The following KLKB1 variants were observed in gnomAD, a reference collection of about 807,000 sequenced individuals.
KLKB1 encodes kallikrein B1, also known as plasma kallikrein.
A neutral mutation model predicts 73.6 loss-of-function variants in KLKB1; 58 were observed. That is an observed-to-expected ratio of 0.79 (90% confidence interval 0.64 to 0.98). KLKB1 has a LOEUF of 0.98. Ranked by LOEUF, KLKB1 falls within the 50% of genes least tolerant of loss-of-function variation. The pLI is 0.00. For synonymous variants in KLKB1, 280 were observed against 258.1 expected (o/e 1.08, Z -0.81); for missense variants, 737 against 763.8 (o/e 0.96, Z 0.41).
chr4:186,255,250 G>A (rs1201644034), intron 12 of KLKB1, among the ~76,000 whole-genome samples: 2 of 152,126 alleles, frequency 1.3e-5, no homozygotes, highest in Admixed American at 6.6e-5. Context: ...GCCAGGAGCC[G>A]AATACCCACT....
At position 186,252,040 on chromosome 4, in the gene KLKB1, C is replaced by T. The variant is rs751932341; in HGVS notation, c.1168C>T (p.Arg390Cys). Residue 390 changes from arginine (R) to cysteine (C), a missense_variant, in exon 11 of 15, where the codon CGC becomes TGC. Arg to Cys is a radical substitution (Grantham distance 180, BLOSUM62 -3). Coordinates refer to ENST00000264690, the MANE Select transcript of KLKB1 (RefSeq NM_000892.5). ...AGTCTGCACAACAAAAACAAGCACA[C>T]GCATTGTTGGAGGAACAAACTCTTC... is the stretch of plus-strand genomic sequence containing the variant. ...NSVCTTKTST[R>C]IVGGTNSSWG... is the part of the protein sequence containing the mutation. 39 of 1,614,080 alleles carry T rather than the reference C, an allele frequency of 2.4e-5. No homozygotes were observed. Among genetic ancestry groups the T allele is most frequent in the Non-Finnish European group, 2.8e-5 (33 of 1,180,044 alleles).
chr4:186,250,516 C>A, intron 7 of KLKB1, 114 bp downstream of exon 7: 3 of 1,230,762 alleles, frequency 2.4e-6, no homozygotes, highest in Non-Finnish European at 3.6e-6. Context: ...TCATTTCCCT[C>A]AAAACACTTG....
intron 6 of KLKB1, among the ~76,000 whole-genome samples, chr4:186,239,668 TGTTATA>T (rs1455967760): frequency 9.8e-5 from 13 of 132,728 alleles, no homozygotes; most frequent in African/African-American, 1.4e-4. Context: ...ACAGTGATAC[TGTTATA>T]GTTATAGGAA....
chr4:186,239,572 TAC>T (rs1737900800), intron 6 of KLKB1, among the ~76,000 whole-genome samples: 3 of 145,812 alleles, frequency 2.1e-5, no homozygotes, highest in African/African-American at 7.5e-5. Context: ...GAGTTATAGG[TAC>T]AGTGACATAG....
Position 186,257,492 on chromosome 4 carries a change from G to A in KLKB1, c.1725+127G>A, listed in dbSNP as rs1194387454. The A allele has an allele frequency of 4.5e-6, 3 of 670,108 alleles. No homozygotes were observed. The African/African-American group carries it at 5.7e-5, about 13-fold the overall frequency. 41.5% of individuals were successfully genotyped at this position (670,108 alleles called of 1,614,324 possible). A position where few individuals can be genotyped will look rare whatever the true frequency, so the allele number is the denominator to read the frequency against. ...TCAGAGACAAATGATCTGATAAATT[G>A]ATAAGCAACTTTTAACAAATTGAAT... On this transcript the variant is annotated intron_variant, in intron 14 of 14. Transcript: ENST00000264690.
In KLKB1 at chr4:186,257,806, A is replaced by G. The variant is rs4253330; in HGVS notation, c.1726-215A>G. Among the ~76,000 whole-genome samples, 20,287 of 151,652 alleles carry G rather than the reference A, an allele frequency of 0.13. 1,604 individuals carry two copies. Among genetic ancestry groups the G allele is most frequent in the Middle Eastern group, 0.21 (63 of 294 alleles). On this transcript the variant is annotated intron_variant, in intron 14 of 14. Transcript: ENST00000264690. ...CTGGCAAGCAAGGTCTTGCACACAC[A>G]CAGCACTTTGGGAGGCCAATGCAGG...
chr4:186,257,885 C>G, intron 14 of KLKB1, 136 bp from the exon 15 acceptor site: 2 of 841,306 alleles, frequency 2.4e-6, no homozygotes, highest in Non-Finnish European at 3.9e-6. Flanking sequence ...TGATGAAACC[C>G]ATCTCTACAA....
intron 6 of KLKB1, among the ~76,000 whole-genome samples, chr4:186,249,202 C>T (rs1036277024): frequency 1.1e-4 from 16 of 152,134 alleles, no homozygotes; most frequent in Non-Finnish European, 2.1e-4. Context: ...TATTCTTGCA[C>T]GTGCTTTACC....
At chr4:186,236,108 C>T (rs1418082996) in intron 4 of KLKB1, among the ~76,000 whole-genome samples, 3 of 94,688 alleles carry the variant, frequency 3.2e-5, no homozygotes, top group South Asian at 3.4e-4. Context: ...AGCGAGACTC[C>T]GTCTCAAAAA....
upstream of KLKB1, among the ~76,000 whole-genome samples, chr4:186,223,262 G>C (rs745752121): frequency 2.0e-5 from 3 of 152,168 alleles, no homozygotes; most frequent in Non-Finnish European, 4.4e-5. Context: ...GGCAGAGTGA[G>C]GTACTGCTAT....
chr4:186,228,352 G>T, intron 2 of KLKB1, 99 bp downstream of exon 2: 1 of 756,982 alleles, frequency 1.3e-6, no homozygotes, highest in Admixed American at 1.9e-5. Flanking sequence ...ATACAGCTTC[G>T]GGGGTGGAGA....
chr4:186,224,585 T>C (rs1349792785), upstream of KLKB1, among the ~76,000 whole-genome samples: 1 of 152,218 alleles, frequency 6.6e-6, no homozygotes, highest in Admixed American at 6.5e-5. Flanking sequence ...GGCCAATTTC[T>C]CCCATTTGGA....
intron 14 of KLKB1, among the ~76,000 whole-genome samples, chr4:186,257,773 G>GTA (rs1739088755): frequency 6.9e-6 from 1 of 145,298 alleles, no homozygotes; most frequent in African/African-American, 2.5e-5. Flanking sequence ...GTGTGTGTGT[G>GTA]TGTGTGTCTG....
chr4:186,256,824 A>G (rs557569621), intron 13 of KLKB1, among the ~76,000 whole-genome samples: 56 of 152,284 alleles, frequency 3.7e-4, no homozygotes, highest in African/African-American at 1.3e-3. Context: ...GTAGGTGATA[A>G]ATATAAAATG....
intron 11 of KLKB1, among the ~76,000 whole-genome samples, chr4:186,252,454 ACCCACCACCAAT>A (rs1361399701): frequency 6.6e-6 from 1 of 151,064 alleles, no homozygotes; most frequent in East Asian, 1.9e-4. Flanking sequence ...CCAACCCACC[ACCCACCACCAAT>A]CCCACCACCA....
upstream of KLKB1, among the ~76,000 whole-genome samples, chr4:186,224,613 A>G (rs1272044959): frequency 2.0e-5 from 3 of 152,186 alleles, no homozygotes; most frequent in Admixed American, 1.3e-4. Context: ...CATTTACCCA[A>G]TTCCTGTACC....
intron 2 of KLKB1, among the ~76,000 whole-genome samples, chr4:186,215,338 CTCTT>C (rs1385980401): frequency 7.9e-6 from 1 of 125,822 alleles, no homozygotes; most frequent in Non-Finnish European, 1.7e-5. Context: ...CTCTTTCTTT[CTCTT>C]TCTTTCCTTC....
chr4:186,251,658 A>AATT lies in KLKB1; in HGVS notation c.1031+10_1031+12dup. The AATT allele has an allele frequency of 1.9e-6, 3 of 1,613,500 alleles. No individual in the cohort carries two copies. Among genetic ancestry groups the AATT allele is most frequent in the Non-Finnish European group, 1.7e-6 (2 of 1,179,534 alleles). On this transcript the variant is annotated intron_variant, in intron 9 of 14. Coordinates refer to ENST00000264690, the MANE Select transcript of KLKB1 (RefSeq NM_000892.5). ...GACTGTAAGGAAGAGAAGTAAAGGA[A>AATT]ATTTTATTTTTCAAAGACAGTTGAC...
chr4:186,247,263 A>C (rs1379413518), intron 6 of KLKB1, among the ~76,000 whole-genome samples: 2 of 152,160 alleles, frequency 1.3e-5, no homozygotes, highest in Non-Finnish European at 2.9e-5. Context: ...GCTTTGTGTG[A>C]GCAAGAAAGC....
Sources: allele counts gnomAD v4.1 joint callset (sites outside exome capture counted in the v4.1 genomes callset), GRCh38; gene constraint gnomAD v4.1.1; transcripts MANE v1.5; gene names NCBI Gene and HGNC (gene_info 2026-07-23, HGNC 2026-07-21).